TBC1D30: variants seen among roughly 807,000 people sequenced by gnomAD.
The protein encoded by TBC1D30 is TBC1 domain family, member 30.
In TBC1D30, 31 loss-of-function variants were observed where a neutral mutation model predicts 63.2. The ratio of observed to expected loss-of-function variants is 0.49; its 90% CI spans 0.37 to 0.66. The LOEUF is 0.66. Among genes scored for constraint, TBC1D30 ranks in the 30% least tolerant of loss-of-function variants. The pLI is 0.00. For synonymous variants in TBC1D30, 307 were observed against 361.5 expected (o/e 0.85, Z 1.71); for missense variants, 810 against 953.6 (o/e 0.85, Z 1.98).
At chr12:64,776,868 T>C (rs902913395), upstream of TBC1D30, among the ~76,000 whole-genome samples, 3 of 152,150 alleles carry the variant, frequency 2.0e-5, no homozygotes, top group Non-Finnish European at 4.4e-5. Context: ...AACAAAATAC[T>C]GGCAAACTGA....
chr12:64,844,987 A>G (rs570758622), intron 8 of TBC1D30, among the ~76,000 whole-genome samples: 6 of 152,240 alleles, frequency 3.9e-5, no homozygotes, highest in African/African-American at 9.6e-5. Flanking sequence ...CATATTGTAT[A>G]TATACCACAT....
At chr12:64,765,093 A>G (rs994280345) in intron 1 of TBC1D30, among the ~76,000 whole-genome samples, 6 of 152,144 alleles carry the variant, frequency 3.9e-5, no homozygotes, top group Non-Finnish European at 7.3e-5. Flanking sequence ...TCTGCAAGGA[A>G]AGTAACTTGC....
intron 1 of TBC1D30, among the ~76,000 whole-genome samples, chr12:64,764,299 G>T (rs1870627105): frequency 6.6e-6 from 1 of 151,774 alleles, no homozygotes. Flanking sequence ...TTTTCATTTT[G>T]ACATGTTTTT....
chr12:64,856,941 C>T (rs1373368991), intron 8 of TBC1D30, among the ~76,000 whole-genome samples: 2 of 152,002 alleles, frequency 1.3e-5, no homozygotes, highest in Non-Finnish European at 2.9e-5. Context: ...AGGGCTCTTC[C>T]ATCAGCTTAT....
intron 2 of TBC1D30, among the ~76,000 whole-genome samples, chr12:64,810,945 C>T (rs530608666): frequency 1.2e-4 from 19 of 152,262 alleles, no homozygotes; most frequent in African/African-American, 3.6e-4. Flanking sequence ...AGGAGTCAGC[C>T]GTAGATAAAT....
At chr12:64,816,976 G>A (rs1383397873) in intron 2 of TBC1D30, among the ~76,000 whole-genome samples, 1 of 152,160 alleles carries the variant, frequency 6.6e-6, no homozygotes, top group Non-Finnish European at 1.5e-5. Flanking sequence ...CTACAGGTGT[G>A]AGCCACCATG....
intron 6 of TBC1D30, 95 bp downstream of exon 6, chr12:64,836,753 C>A: frequency 8.1e-7 from 1 of 1,228,160 alleles, no homozygotes; most frequent in South Asian, 1.9e-5. Flanking sequence ...TATGTATTTC[C>A]AGCTATTTTT....
intron 7 of TBC1D30, 138 bp downstream of exon 7, chr12:64,838,989 T>C: frequency 3.6e-6 from 3 of 825,066 alleles, no homozygotes; most frequent in Non-Finnish European, 5.5e-6. Context: ...TCCTGAAATC[T>C]CAGCAGGCTC....
intron 5 of TBC1D30, among the ~76,000 whole-genome samples, chr12:64,834,928 A>G (rs1267490545): frequency 6.6e-6 from 1 of 152,012 alleles, no homozygotes; most frequent in Admixed American, 6.6e-5. Context: ...AAAACCAAAT[A>G]TCTTTCTCAG....
chr12:64,847,449 G>A (rs907103019), intron 8 of TBC1D30, among the ~76,000 whole-genome samples: 11 of 151,792 alleles, frequency 7.2e-5, no homozygotes, highest in African/African-American at 2.4e-4. Flanking sequence ...TGTTTTTCTA[G>A]TGCTTTAATA....
upstream of TBC1D30, among the ~76,000 whole-genome samples, chr12:64,820,499 C>G (rs1431969111): frequency 6.6e-6 from 1 of 152,234 alleles, no homozygotes; most frequent in African/African-American, 2.4e-5. Context: ...AACATTATCT[C>G]ATCCAATGTG....
chr12:64,761,586 T>G (rs1275546568), intron 1 of TBC1D30, among the ~76,000 whole-genome samples: 1 of 152,216 alleles, frequency 6.6e-6, no homozygotes, highest in African/African-American at 2.4e-5. Context: ...CCTCTGGTCG[T>G]CCTCACTGCT....
intron 11 of TBC1D30, among the ~76,000 whole-genome samples, chr12:64,871,238 G>C (rs764800419): frequency 3.9e-5 from 6 of 152,068 alleles, no homozygotes; most frequent in Admixed American, 6.6e-5. Flanking sequence ...TGTTGTATCA[G>C]AGAAACTGGG....
Position 64,871,492 on chromosome 12 carries a change from G to A in TBC1D30, c.1498+684G>A, listed in dbSNP as rs188523848. ...AAATGGTGCCTGTCCAGAATTAACT[G>A]AAATATAAATTTGACATGTTTTTAA... On this transcript the variant is annotated intron_variant, in intron 11 of 11. Transcript: ENST00000539867. Among the ~76,000 whole-genome samples, 155 of 152,188 alleles carry A rather than the reference G, an allele frequency of 1.0e-3. 1 individual carries two copies. Among genetic ancestry groups the A allele is most frequent in the African/African-American group, 3.3e-3 (138 of 41,506 alleles).
intron 8 of TBC1D30, among the ~76,000 whole-genome samples, chr12:64,843,807 T>G (rs1344649036): frequency 6.6e-6 from 1 of 152,206 alleles, no homozygotes; most frequent in Non-Finnish European, 1.5e-5. Flanking sequence ...TTTCTTTTCT[T>G]TTTTGAGACT....
chr12:64,860,205 A>T (rs1041538429), intron 8 of TBC1D30, among the ~76,000 whole-genome samples: 2 of 151,714 alleles, frequency 1.3e-5, no homozygotes, highest in Non-Finnish European at 2.9e-5. Flanking sequence ...TTTTGTAGAG[A>T]TGGGGTTTCA....
chr12:64,853,247 G>A (rs1174279181), intron 8 of TBC1D30, among the ~76,000 whole-genome samples: 4 of 152,196 alleles, frequency 2.6e-5, no homozygotes, highest in Admixed American at 2.6e-4. Flanking sequence ...GCTGTGGTGG[G>A]CTCCTCCCAG....
At chr12:64,836,198 G>A (rs891097844) in intron 5 of TBC1D30, among the ~76,000 whole-genome samples, 4 of 152,166 alleles carry the variant, frequency 2.6e-5, no homozygotes, top group African/African-American at 9.7e-5. Context: ...ATGACGCTAA[G>A]GGTTGCATAA....
At chr12:64,781,577 G>C (rs774606568) in intron 1 of TBC1D30, among the ~76,000 whole-genome samples, 7 of 152,164 alleles carry the variant, frequency 4.6e-5, no homozygotes, top group Non-Finnish European at 7.4e-5. Context: ...AGGCAGCCCA[G>C]ATTCTAATTT....
Sources: gnomAD v4.1 joint callset for allele counts (sites outside exome capture counted in the v4.1 genomes callset) on GRCh38, gnomAD v4.1.1 for gene constraint, MANE v1.5 for transcripts, NCBI Gene and HGNC (gene_info 2026-07-23, HGNC 2026-07-21) for gene names.